Variants in CADM2 observed in about 807,000 individuals in gnomAD.
The protein encoded by CADM2 is cell adhesion molecule 2.
A neutral mutation model predicts 49.8 loss-of-function variants in CADM2; 12 were observed. The observed-to-expected ratio is 0.24, with a 90% confidence interval of 0.15 to 0.39. CADM2 has a LOEUF of 0.39. Ranked by LOEUF, CADM2 falls within the 10% of genes least tolerant of loss-of-function variation. The pLI is 1.00. For missense variants in CADM2, 378 were observed against 492.3 expected (o/e 0.77, Z 2.20); for synonymous variants, 214 against 175.4 (o/e 1.22, Z -1.74).
rs551812423 is a variant in CADM2, at chr3:85,960,847, G to A, written c.792-622G>A. On this transcript the variant is annotated intron_variant, in intron 7 of 9. Transcript: ENST00000383699. ...ATGGAAAAGATTCAGGTGGTTTCAA[G>A]CAAAGCTGTGCCACAAGGGTGGCTC... Among the ~76,000 whole-genome samples the A allele has an allele frequency of 2.2e-4, 33 of 151,490 alleles. No individual in the cohort carries two copies. The South Asian group carries it at 3.3e-3, about 15-fold the overall frequency.
intron 1 of CADM2, among the ~76,000 whole-genome samples, chr3:85,260,941 A>G (rs1482762818): frequency 6.6e-6 from 1 of 152,130 alleles, no homozygotes; most frequent in Non-Finnish European, 1.5e-5. Flanking sequence ...GAAATCTTAC[A>G]ATTAGCCGTG....
At chr3:85,848,985 G>A (rs984363353) in intron 3 of CADM2, among the ~76,000 whole-genome samples, 2 of 152,064 alleles carry the variant, frequency 1.3e-5, no homozygotes, top group East Asian at 1.9e-4. Context: ...ACATGAATCC[G>A]GGCAGTCTAT....
chr3:85,350,794 A>C (rs1213444458), intron 1 of CADM2, among the ~76,000 whole-genome samples: 1 of 152,152 alleles, frequency 6.6e-6, no homozygotes, highest in Non-Finnish European at 1.5e-5. Context: ...GAAATATGTA[A>C]TTCTTCCGCT....
chr3:85,713,584 A>G (rs1040282368), intron 1 of CADM2, among the ~76,000 whole-genome samples: 2 of 152,218 alleles, frequency 1.3e-5, no homozygotes, highest in African/African-American at 4.8e-5. Context: ...CTGAAACCAC[A>G]TAGCAATAAC....
At chr3:86,035,161 G>A (rs541193673) in intron 8 of CADM2, among the ~76,000 whole-genome samples, 5 of 152,000 alleles carry the variant, frequency 3.3e-5, no homozygotes, top group Middle Eastern at 3.4e-3. Context: ...TTTCTGTCAC[G>A]TCAGAACCAC....
chr3:85,696,685 C>A (rs1317214931), intron 1 of CADM2, among the ~76,000 whole-genome samples: 2 of 151,582 alleles, frequency 1.3e-5, no homozygotes, highest in Non-Finnish European at 3.0e-5. Flanking sequence ...TACATTTTTT[C>A]TTTATTTTTA....
chr3:85,539,499 A>G (rs2061496443), intron 1 of CADM2, among the ~76,000 whole-genome samples: 1 of 151,984 alleles, frequency 6.6e-6, no homozygotes, highest in South Asian at 2.1e-4. Flanking sequence ...ACCCCTACTA[A>G]ATGCCTTACT....
chr3:85,948,717 T>TAA (rs144124690), intron 7 of CADM2, among the ~76,000 whole-genome samples: 1 of 150,800 alleles, frequency 6.6e-6, no homozygotes, highest in African/African-American at 2.4e-5. Flanking sequence ...CTAAATAAAA[T>TAA]AATAAAATAA....
intron 1 of CADM2, among the ~76,000 whole-genome samples, chr3:85,041,331 A>T (rs954356123): frequency 3.3e-5 from 5 of 152,158 alleles, no homozygotes; most frequent in Admixed American, 1.3e-4. Context: ...ACAGATTTTT[A>T]AAAAATTCGC....
intron 1 of CADM2, among the ~76,000 whole-genome samples, chr3:85,491,808 C>T (rs916872823): frequency 1.3e-5 from 2 of 151,972 alleles, no homozygotes; most frequent in East Asian, 1.9e-4. Context: ...AAAAAATAGC[C>T]GGGTGTGGTG....
chr3:85,339,666 A>G (rs1212730297), intron 1 of CADM2, among the ~76,000 whole-genome samples: 1 of 151,324 alleles, frequency 6.6e-6, no homozygotes, highest in East Asian at 1.9e-4. Context: ...ACCTTTATTG[A>G]CTTGGTATCT....
Position 86,045,498 on chromosome 3 carries a change from T to G in CADM2, c.971-20107T>G, listed in dbSNP as rs1736549840. On this transcript the variant is annotated intron_variant, in intron 8 of 9. Coordinates refer to ENST00000383699, the MANE Select transcript of CADM2 (RefSeq NM_001167675.2). Reference sequence around the variant, plus strand: ...ATGCACTCAGAATCTAATTCTCAACTGCCCTGAAATATGTTACCATGTGCT... The same window carrying G: ...ATGCACTCAGAATCTAATTCTCAACGGCCCTGAAATATGTTACCATGTGCT... Among the ~76,000 whole-genome samples the G allele has an allele frequency of 3.3e-5, 5 of 152,276 alleles. No homozygotes were observed. The South Asian group carries it at 1.0e-3, about 32-fold the overall frequency.
At chr3:85,769,154 T>A (rs1372857422) in intron 2 of CADM2, among the ~76,000 whole-genome samples, 8 of 70,652 alleles carry the variant, frequency 1.1e-4, no homozygotes, top group African/African-American at 6.6e-4. Context: ...TACACATATA[T>A]ACATATATAG....
intron 6 of CADM2, among the ~76,000 whole-genome samples, chr3:85,919,426 A>G (rs1352970819): frequency 6.6e-6 from 1 of 151,900 alleles, no homozygotes; most frequent in Non-Finnish European, 1.5e-5. Context: ...AAATAAGCTG[A>G]AGTGTTAAAA....
intron 2 of CADM2, among the ~76,000 whole-genome samples, chr3:85,798,481 G>A (rs1356125403): frequency 6.6e-6 from 1 of 152,038 alleles, no homozygotes; most frequent in Non-Finnish European, 1.5e-5. Context: ...TCAGTTTTCT[G>A]CATATGGCTA....
intron 1 of CADM2, among the ~76,000 whole-genome samples, chr3:84,963,708 A>G (rs993470699): frequency 3.9e-5 from 6 of 152,188 alleles, no homozygotes; most frequent in Admixed American, 6.5e-5. Context: ...TTGCCTCAGT[A>G]TCTGTCATGA....
intron 7 of CADM2, among the ~76,000 whole-genome samples, chr3:85,941,324 C>T (rs574427284): frequency 6.6e-6 from 1 of 152,124 alleles, no homozygotes; most frequent in African/African-American, 2.4e-5. Context: ...GTTATCATCT[C>T]ACATATATTC....
At chr3:85,155,965 C>T (rs892237420) in intron 1 of CADM2, among the ~76,000 whole-genome samples, 1 of 152,146 alleles carries the variant, frequency 6.6e-6, no homozygotes, top group African/African-American at 2.4e-5. Flanking sequence ...ATTTATAGCA[C>T]TAAATGCCCA....
chr3:85,757,047 T>G (rs12714637), intron 2 of CADM2, among the ~76,000 whole-genome samples: 22,227 of 152,108 alleles, frequency 0.15, 2,052 homozygotes, highest in Non-Finnish European at 0.2. Context: ...GAAGTGAAAG[T>G]TGATGAATAT....
Sources: gnomAD v4.1 joint callset for allele counts (sites outside exome capture counted in the v4.1 genomes callset) on GRCh38, gnomAD v4.1.1 for gene constraint, MANE v1.5 for transcripts, NCBI Gene and HGNC (gene_info 2026-07-23, HGNC 2026-07-21) for gene names.